SLAIN1: variants seen among roughly 807,000 people sequenced by gnomAD.
SLAIN1 encodes the protein SLAIN motif-containing protein 1.
SLAIN1 carries 17 observed loss-of-function variants against 55.4 expected under a neutral mutation model. The ratio of observed to expected loss-of-function variants is 0.31; its 90% confidence interval spans 0.21 to 0.46. The LOEUF (loss-of-function observed/expected upper bound fraction) is 0.46. SLAIN1 is among the 20% of genes least tolerant of loss of function. SLAIN1 has a pLI of 1.00. For missense variants in SLAIN1, 682 were observed against 785.1 expected (o/e 0.87, Z 1.57); for synonymous variants, 348 against 337.4 (o/e 1.03, Z -0.35).
chr13:77,722,021 A>G (rs1012796907), intron 2 of SLAIN1, among the ~76,000 whole-genome samples: 1 of 150,418 alleles, frequency 6.6e-6, no homozygotes, highest in African/African-American at 2.5e-5. Flanking sequence ...CTAAAAAGTA[A>G]TCCTAATTGG....
At chr13:77,753,823 T>A (rs952495492) in intron 5 of SLAIN1, among the ~76,000 whole-genome samples, 3 of 152,196 alleles carry the variant, frequency 2.0e-5, no homozygotes, top group African/African-American at 7.2e-5. Context: ...GTTTTTCACC[T>A]ATGCATACTT....
At position 77,727,824 on chromosome 13, in the gene SLAIN1, T is replaced by C. The variant is rs17068223; in HGVS notation, c.766+8153T>C. On this transcript the variant is annotated intron_variant, in intron 2 of 6. Transcript: ENST00000418532. ...TATTTTAGAAAGATTTCTGGAAATA[T>C]TGGATGTGAAATTACTTCAGAAATG... Among the ~76,000 whole-genome samples the C allele has an allele frequency of 1.6e-3, 250 of 152,294 alleles. 3 individuals are homozygous for C. The East Asian group carries it at 0.037, about 22-fold the overall frequency.
chr13:77,717,477 T>G (rs929755163), intron 1 of SLAIN1, among the ~76,000 whole-genome samples: 14 of 152,168 alleles, frequency 9.2e-5, no homozygotes, highest in Non-Finnish European at 1.8e-4. Context: ...TATTTTTTAT[T>G]TTTTGATTAC....
chr13:77,698,804 G>A lies in SLAIN1; in HGVS notation c.626+265G>A. 1 of 1,389,392 alleles carries A rather than the reference G, an allele frequency of 7.2e-7. No individual in the cohort carries two copies. The highest frequency in any genetic ancestry group is 9.6e-7 in the Non-Finnish European group (1 of 1,044,072). The allele number at this position is 1,389,392 out of a possible 1,614,324, so 86.1% of individuals were successfully genotyped here. On this transcript the variant is annotated intron_variant, in intron 1 of 6. Coordinates refer to ENST00000418532, the MANE Select transcript of SLAIN1 (RefSeq NM_001242868.2). This position sits in a 1 kb window ranked among gnomAD's most constrained non-coding sequence, Gnocchi z 4.1. ...CTTCCCCCCATCTGCCATGGGTTCT[G>A]CTATTTGCTGATTGTTGGGTCCCAA...
intron 2 of SLAIN1, among the ~76,000 whole-genome samples, chr13:77,729,976 C>G (rs1385078746): frequency 6.6e-6 from 1 of 151,846 alleles, no homozygotes; most frequent in Admixed American, 6.6e-5. Flanking sequence ...GAAGAGTGTC[C>G]CAGGCCTTTT....
chr13:77,751,863 G>C (rs1874235550), intron 4 of SLAIN1, among the ~76,000 whole-genome samples: 2 of 152,096 alleles, frequency 1.3e-5, no homozygotes, highest in Non-Finnish European at 2.9e-5. Context: ...TTATGGCTTA[G>C]TACTCGTATA....
At chr13:77,737,354 C>T (rs569549782) in intron 2 of SLAIN1, among the ~76,000 whole-genome samples, 1 of 152,218 alleles carries the variant, frequency 6.6e-6, no homozygotes, top group East Asian at 1.9e-4. Context: ...AGACATCAGT[C>T]TCCATGCCCA....
rs57814068 is a variant in SLAIN1, at chr13:77,732,671, A to AT, written c.767-11600dup. Among the ~76,000 whole-genome samples, 773 of 147,192 alleles carry AT rather than the reference A, an allele frequency of 5.3e-3. 2 individuals are homozygous for AT. The highest frequency in any genetic ancestry group is 0.016 in the African/African-American group (661 of 40,450). Reference sequence around the variant, plus strand: ...GCCTTTGAAGTGTAATTACTACTACATTTTTTTTTTTTAAATCTCCACTAT... The same window carrying AT: ...GCCTTTGAAGTGTAATTACTACTACATTTTTTTTTTTTTAAATCTCCACTAT... On this transcript the variant is annotated intron_variant, in intron 2 of 6. Coordinates refer to ENST00000418532, the MANE Select transcript of SLAIN1 (RefSeq NM_001242868.2).
intron 2 of SLAIN1, among the ~76,000 whole-genome samples, chr13:77,721,058 C>G (rs1321331379): frequency 6.6e-6 from 1 of 152,110 alleles, no homozygotes; most frequent in Non-Finnish European, 1.5e-5. Context: ...CGGTTTGGCT[C>G]TGTGTTCCCA....
intron 2 of SLAIN1, among the ~76,000 whole-genome samples, chr13:77,729,651 T>C (rs893000460): frequency 6.6e-6 from 1 of 152,106 alleles, no homozygotes; most frequent in African/African-American, 2.4e-5. Flanking sequence ...TGAGTACTTA[T>C]TAGGTACAGT....
chr13:77,748,310 A>C (rs1190114793), intron 4 of SLAIN1, among the ~76,000 whole-genome samples: 1 of 151,330 alleles, frequency 6.6e-6, no homozygotes, highest in Non-Finnish European at 1.5e-5. Context: ...AAGCTCATAG[A>C]TCAGAAAGAC....
At chr13:77,761,730 AT>A (rs879568125) in intron 6 of SLAIN1, among the ~76,000 whole-genome samples, 456 of 147,280 alleles carry the variant, frequency 3.1e-3, no homozygotes, top group African/African-American at 5.2e-3. Context: ...CCAGGTAGTA[AT>A]TTTTTTTTTT....
At chr13:77,719,705 C>T in intron 2 of SLAIN1, 34 bp downstream of exon 2, 1 of 1,603,754 alleles carries the variant, frequency 6.2e-7, no homozygotes, top group Non-Finnish European at 8.5e-7. Flanking sequence ...CATTCTCCAA[C>T]TCTTGTCACT....
chr13:77,743,038 C>T (rs1168125207), intron 2 of SLAIN1: 1 of 1,296,530 alleles, frequency 7.7e-7, no homozygotes, highest in Non-Finnish European at 1.0e-6. Flanking sequence ...GGAGTCTCTT[C>T]TCTTCAACTG....
chr13:77,714,058 AAATGCCT>A (rs1463849651), intron 1 of SLAIN1, among the ~76,000 whole-genome samples: 2 of 152,152 alleles, frequency 1.3e-5, no homozygotes, highest in African/African-American at 4.8e-5. Context: ...GCATTAGGAG[AAATGCCT>A]AACGTAGATG....
intron 1 of SLAIN1, chr13:77,699,043 T>C: frequency 6.5e-7 from 1 of 1,535,558 alleles, no homozygotes; most frequent in Non-Finnish European, 8.7e-7. Context: ...GTGATGGATC[T>C]CTCTTTATAG....
intron 5 of SLAIN1, among the ~76,000 whole-genome samples, chr13:77,754,023 C>G (rs1874425683): frequency 6.6e-6 from 1 of 152,168 alleles, no homozygotes; most frequent in East Asian, 1.9e-4. Context: ...TCGGCATCCC[C>G]CTATTCCTAC....
intron 3 of SLAIN1, 91 bp downstream of exon 3, chr13:77,744,523 G>T: frequency 6.3e-7 from 1 of 1,584,972 alleles, no homozygotes; most frequent in South Asian, 1.1e-5. Context: ...CCAGGTAATG[G>T]GCAAATAATT....
intron 5 of SLAIN1, among the ~76,000 whole-genome samples, chr13:77,759,084 T>C (rs753166364): frequency 1.3e-5 from 2 of 152,222 alleles, no homozygotes; most frequent in Non-Finnish European, 2.9e-5. Context: ...TGTGTTTTGT[T>C]TGTGTCATTT....
Sources: allele counts gnomAD v4.1 joint callset (sites outside exome capture counted in the v4.1 genomes callset), GRCh38; gene constraint gnomAD v4.1.1; non-coding constraint Gnocchi (gnomAD v3.1); transcripts MANE v1.5; gene names NCBI Gene and HGNC (gene_info 2026-07-23, HGNC 2026-07-21).